Variants in ZFYVE16 observed in about 807,000 individuals in gnomAD.
The protein encoded by ZFYVE16 is zinc finger FYVE domain-containing protein 16.
Under a neutral mutation model 138.1 loss-of-function variants are expected in ZFYVE16, and 89 were observed. The observed-to-expected ratio is 0.64, with a 90% CI of 0.54 to 0.77. The LOEUF (loss-of-function observed/expected upper bound fraction) is 0.77. ZFYVE16 is among the 30% of genes least tolerant of loss of function. The pLI, the probability that ZFYVE16 is intolerant of heterozygous loss-of-function variation, is 0.00. For missense variants in ZFYVE16, 1,793 were observed against 1,786.7 expected, an observed-to-expected ratio of 1.00 and a Z score of -0.06; for synonymous variants, 596 against 618.3, an observed-to-expected ratio of 0.96 and a Z score of 0.53.
chr5:80,444,179 A>G (rs184368576), intron 6 of ZFYVE16, among the ~76,000 whole-genome samples: 2 of 152,280 alleles, frequency 1.3e-5, no homozygotes, highest in Admixed American at 6.5e-5. Flanking sequence ...TCAGTTTATT[A>G]CTCAGTAACT....
intron 8 of ZFYVE16, among the ~76,000 whole-genome samples, chr5:80,449,383 A>G (rs1442762304): frequency 6.6e-6 from 1 of 152,226 alleles, no homozygotes. Context: ...TATATGTAAT[A>G]TATGCATTAC....
intron 2 of ZFYVE16, among the ~76,000 whole-genome samples, chr5:80,431,103 C>T (rs919246868): frequency 5.3e-5 from 8 of 152,198 alleles, no homozygotes; most frequent in Middle Eastern, 3.2e-3. Flanking sequence ...CCAGCATCAT[C>T]CTGATACCAA....
rs758401387 is a variant in ZFYVE16 at position 80,438,455 on chromosome 5, T to C, written c.1770T>C (p.His590=). Residue 590 remains histidine (H), a synonymous_variant, in exon 4 of 19, where the codon CAT becomes CAC. Coordinates refer to ENST00000505560, the MANE Select transcript of ZFYVE16 (RefSeq NM_001284236.3). ...NAEAGAIGES[H]GINIICEIVD... ...AAGCAGGAGCTATTGGGGAAAGTCA[T>C]GGTATTAATATAATTTGTGAAATAG... 8 of 1,613,896 alleles carry C rather than the reference T, an allele frequency of 5.0e-6. No individual in the cohort carries two copies. The highest frequency in any genetic ancestry group is 2.2e-5 in the East Asian group (1 of 44,868).
At chr5:80,446,790 T>TA (rs1309887248) in intron 7 of ZFYVE16, among the ~76,000 whole-genome samples, 1 of 152,216 alleles carries the variant, frequency 6.6e-6, no homozygotes, top group Non-Finnish European at 1.5e-5. Context: ...TGCTAGGTGT[T>TA]AAACAGAAGA....
intron 9 of ZFYVE16, 22 bp from the exon 10 acceptor site, chr5:80,450,409 T>C (rs767729731): frequency 6.2e-7 from 1 of 1,606,814 alleles, no homozygotes; most frequent in Non-Finnish European, 8.5e-7. Flanking sequence ...ACATTAATAG[T>C]TATATTCTTT....
rs1332971189 is a variant in ZFYVE16, at chr5:80,437,914, C to G, written c.1229C>G (p.Ala410Gly). ...QHEHKDNIQD[A>G]VTIHEEIQNS... ...GAACATAAAGATAATATACAAGATG[C>G]AGTGACTATACATGAAGAAATACAG... The change falls in exon 4 of 19, where the codon GCA (alanine) becomes GGA (glycine). Residue 410 changes from alanine (A) to glycine (G), a missense_variant. Physicochemically the swap from Ala to Gly is moderately conservative, Grantham distance 60. This residue lies in a region of ZFYVE16 where 1,295 missense variants were observed against 1,204.3 expected (regional missense o/e 1.08). Transcript: ENST00000505560. 3 of 1,613,918 alleles carry G rather than the reference C, an allele frequency of 1.9e-6. No individual in the cohort carries two copies. Among genetic ancestry groups the G allele is most frequent in the South Asian group, 1.1e-5 (1 of 91,058 alleles).
Position 80,438,604 on chromosome 5 carries a change from A to G in ZFYVE16, c.1919A>G (p.Asn640Ser), listed in dbSNP as rs749162478. The G allele has an allele frequency of 2.5e-6, 4 of 1,614,036 alleles. No homozygotes were observed. Among genetic ancestry groups the G allele is most frequent in the African/African-American group, 2.7e-5 (2 of 74,940 alleles). Residue 640 changes from asparagine to serine, a missense_variant, in exon 4 of 19, where the codon AAC (asparagine) becomes AGC (serine). Physicochemically the swap from Asn to Ser is conservative, Grantham distance 46. Around this residue, in one of 2 missense-constraint regions of ZFYVE16, gnomAD observed 1,295 missense variants for 1,204.3 expected, o/e 1.08. Coordinates refer to ENST00000505560, the MANE Select transcript of ZFYVE16 (RefSeq NM_001284236.3). ...AATCAATTATCGGTCTCTGATATTAACAGTCAATCTGTTGGAGGGGCCAGA... is the reference window on the plus strand; with the variant it reads ...AATCAATTATCGGTCTCTGATATTAGCAGTCAATCTGTTGGAGGGGCCAGA... ...ITNQLSVSDI[N>S]SQSVGGARPK...
rs1468212153 is a variant in ZFYVE16, at chr5:80,453,273, CTG to C, written c.3607+1569_3607+1570del. On this transcript the variant is annotated intron_variant, in intron 11 of 18. Coordinates refer to ENST00000505560, the MANE Select transcript of ZFYVE16 (RefSeq NM_001284236.3). ...TTTAATTTGCATCTCAGGTTTTGTA[CTG>C]TGTGAAACAAAGAGCTTAAGAAATT... 3.3e-5 allele frequency among the ~76,000 whole-genome samples: 5 copies of C among 152,268 alleles called. 1 individual carries two copies. Among genetic ancestry groups the C allele is most frequent in the Admixed American group, 3.3e-4 (5 of 15,298 alleles).
rs560689266 is a variant in ZFYVE16, at chr5:80,423,873, T to C, written c.-93-3619T>C. Among the ~76,000 whole-genome samples the C allele has an allele frequency of 5.6e-4, 86 of 152,310 alleles. 1 individual carries two copies. The highest frequency in any genetic ancestry group is 1.1e-3 in the Non-Finnish European group (76 of 68,036). Reference sequence around the variant, plus strand: ...CTAATTTTTATTTTCCTACTTGTTTTAGGCCAAAATTATTTTTGTTTTTCT... The same window carrying C: ...CTAATTTTTATTTTCCTACTTGTTTCAGGCCAAAATTATTTTTGTTTTTCT... On this transcript the variant is annotated intron_variant, in intron 1 of 18. Transcript: ENST00000505560.
chr5:80,449,230 T>G (rs892586957), intron 8 of ZFYVE16, among the ~76,000 whole-genome samples: 1 of 152,188 alleles, frequency 6.6e-6, no homozygotes, highest in South Asian at 2.1e-4. Context: ...GGCTCTAGAC[T>G]ACTTTCATAG....
At chr5:80,411,642 C>T (rs1416994210) in intron 1 of ZFYVE16, 1 of 152,156 alleles carries the variant, frequency 6.6e-6, no homozygotes, top group Non-Finnish European at 1.5e-5. Flanking sequence ...TATTCTCTTC[C>T]TAGGTGATCT....
Position 80,477,607 on chromosome 5 carries a change from A to G in ZFYVE16, c.*230A>G, listed in dbSNP as rs1476414025. 10 of 342,028 alleles carry G rather than the reference A, an allele frequency of 2.9e-5. No homozygotes were observed. The East Asian group carries it at 4.7e-4, about 16-fold the overall frequency. 21.2% of individuals were successfully genotyped at this position (342,028 alleles called of 1,614,324 possible). A position where few individuals can be genotyped will look rare whatever the true frequency, so the allele number is the denominator to read the frequency against. ...TAGCTTTACAATTAATTTAAGTACT[A>G]AAAAGACAAGGATTTCTTTTAAGAA... On this transcript the variant is annotated 3_prime_UTR_variant, in exon 19 of 19. Coordinates refer to ENST00000505560, the MANE Select transcript of ZFYVE16 (RefSeq NM_001284236.3).
intron 1 of ZFYVE16, among the ~76,000 whole-genome samples, chr5:80,408,481 G>C (rs1049214829): frequency 1.3e-5 from 2 of 150,516 alleles, no homozygotes; most frequent in Middle Eastern, 3.4e-3. Context: ...CCCAGCGGAC[G>C]GAGGGAGAAG....
chr5:80,413,594 G>C (rs2112147785), intron 1 of ZFYVE16, among the ~76,000 whole-genome samples: 1 of 152,024 alleles, frequency 6.6e-6, no homozygotes, highest in South Asian at 2.1e-4. Flanking sequence ...CTGAATCACT[G>C]AACAAGAAAA....
chr5:80,429,652 C>CT (rs1315724537), intron 2 of ZFYVE16, among the ~76,000 whole-genome samples: 4 of 152,174 alleles, frequency 2.6e-5, no homozygotes, highest in African/African-American at 9.7e-5. Context: ...AAGACACAGA[C>CT]TGGCAAATTG....
chr5:80,408,679 C>T (rs564686155), intron 1 of ZFYVE16, among the ~76,000 whole-genome samples: 27 of 152,248 alleles, frequency 1.8e-4, no homozygotes, highest in Non-Finnish European at 3.5e-4. Flanking sequence ...GGCCGTCTTT[C>T]CCGCTGCCTT....
At chr5:80,435,160 G>A (rs1267388460) in intron 3 of ZFYVE16, among the ~76,000 whole-genome samples, 1 of 152,078 alleles carries the variant, frequency 6.6e-6, no homozygotes, top group East Asian at 1.9e-4. Context: ...TCAGCCTCCC[G>A]AGTAGCTGGG....
At chr5:80,408,510 C>A (rs181338784) in intron 1 of ZFYVE16, among the ~76,000 whole-genome samples, 1 of 152,230 alleles carries the variant, frequency 6.6e-6, no homozygotes, top group Admixed American at 6.5e-5. Flanking sequence ...CGCCGCCGTC[C>A]CGCCTGGGGA....
chr5:80,439,096 T>C, intron 4 of ZFYVE16, 89 bp downstream of exon 4: 1 of 1,291,956 alleles, frequency 7.7e-7, no homozygotes, highest in Non-Finnish European at 1.1e-6. Context: ...GAACAGATAA[T>C]TACAAGATTG....
Sources: allele counts gnomAD v4.1 joint callset (sites outside exome capture counted in the v4.1 genomes callset), GRCh38; gene constraint gnomAD v4.1.1; regional missense constraint gnomAD v4.1.1; transcripts MANE v1.5; gene names NCBI Gene and HGNC (gene_info 2026-07-23, HGNC 2026-07-21).